ABCA1: variants seen among roughly 807,000 people sequenced by gnomAD.
The protein encoded by ABCA1 is ATP binding cassette subfamily A member 1, also known as phospholipid-transporting ATPase ABCA1.
Under a neutral mutation model 262.5 loss-of-function variants are expected in ABCA1, and 133 were observed. The observed-to-expected ratio is 0.51, with a 90% CI of 0.44 to 0.59. The LOEUF (loss-of-function observed/expected upper bound fraction) is 0.59. ABCA1 is among the 20% of genes least tolerant of loss of function. The pLI, the probability that ABCA1 is intolerant of heterozygous loss-of-function variation, is 0.00. For missense variants in ABCA1, 2,452 were observed against 2,777.5 expected (o/e 0.88, Z 2.63); for synonymous variants, 1,022 against 1,043.5 (o/e 0.98, Z 0.40).
intron 1 of ABCA1, among the ~76,000 whole-genome samples, chr9:104,924,053 A>G (rs898944827): frequency 1.3e-5 from 2 of 152,136 alleles, no homozygotes; most frequent in African/African-American, 4.8e-5. Context: ...AAATAAATAC[A>G]ATGAATAAAC....
At chr9:104,809,588 A>G in intron 29 of ABCA1, 24 bp from the exon 30 acceptor site, 7 of 1,591,412 alleles carry the variant, frequency 4.4e-6, no homozygotes, top group Non-Finnish European at 6.0e-6. Flanking sequence ...AGAGGCAGCC[A>G]GCTTAGTAAT....
chr9:104,815,005 TAA>T (rs1046858315), intron 25 of ABCA1, among the ~76,000 whole-genome samples: 2 of 151,168 alleles, frequency 1.3e-5, no homozygotes, highest in Non-Finnish European at 3.0e-5. Context: ...TCATCAAAAA[TAA>T]AAAAAAATTT....
At chr9:104,859,000 A>G (rs924648588) in intron 6 of ABCA1, among the ~76,000 whole-genome samples, 2 of 152,226 alleles carry the variant, frequency 1.3e-5, no homozygotes, top group African/African-American at 2.4e-5. Flanking sequence ...AGTGGGACAC[A>G]TGATTTGGCA....
intron 23 of ABCA1, among the ~76,000 whole-genome samples, chr9:104,818,330 A>G (rs1831961331): frequency 6.6e-6 from 1 of 152,212 alleles, no homozygotes; most frequent in Admixed American, 6.5e-5. Flanking sequence ...TTGAAAAGTA[A>G]TGAGCAGGAA....
At chr9:104,910,766 G>A (rs1841448429) in intron 1 of ABCA1, among the ~76,000 whole-genome samples, 1 of 152,120 alleles carries the variant, frequency 6.6e-6, no homozygotes, top group African/African-American at 2.4e-5. Context: ...GTGCAGTGGT[G>A]TGATCTCAGC....
intron 5 of ABCA1, among the ~76,000 whole-genome samples, chr9:104,874,338 T>G (rs1837905496): frequency 6.6e-6 from 1 of 151,976 alleles, no homozygotes; most frequent in South Asian, 2.1e-4. Context: ...ATGGCAAACA[T>G]GGTCAGGAGT....
intron 5 of ABCA1, among the ~76,000 whole-genome samples, chr9:104,874,888 G>A (rs142663568): frequency 0.058 from 8,088 of 138,616 alleles, 288 homozygotes; most frequent in African/African-American, 0.12. Context: ...GCCCCCGCCC[G>A]GCCAGCCGCC....
chr9:104,883,798 C>A (rs530612834), intron 4 of ABCA1, among the ~76,000 whole-genome samples: 5 of 152,212 alleles, frequency 3.3e-5, no homozygotes, highest in African/African-American at 1.2e-4. Flanking sequence ...TCCTAACTCA[C>A]ATCACGGTCC....
At chr9:104,924,919 G>A (rs1057023463) in intron 1 of ABCA1, among the ~76,000 whole-genome samples, 57 of 152,264 alleles carry the variant, frequency 3.7e-4, no homozygotes, top group East Asian at 2.9e-3. Flanking sequence ...ATAATAAAAA[G>A]CTAAGTCACT....
chr9:104,861,633 G>A (rs369127011), intron 6 of ABCA1, 46 bp downstream of exon 6: 45 of 1,612,904 alleles, frequency 2.8e-5, no homozygotes, highest in Non-Finnish European at 3.4e-5. Flanking sequence ...GCTGCACAAC[G>A]TAATTGCCAT....
At chr9:104,872,480 C>A (rs1407487132) in intron 5 of ABCA1, among the ~76,000 whole-genome samples, 2 of 152,184 alleles carry the variant, frequency 1.3e-5, no homozygotes, top group Non-Finnish European at 2.9e-5. Context: ...ATTCAACGTA[C>A]AACTTTACTC....
intron 2 of ABCA1, among the ~76,000 whole-genome samples, chr9:104,894,442 T>C (rs1840029194): frequency 6.6e-6 from 1 of 152,086 alleles, no homozygotes. Context: ...TTAAAAAAAA[T>C]TGATGATGAT....
At chr9:104,811,736 A>G (rs1831299464) in intron 28 of ABCA1, among the ~76,000 whole-genome samples, 1 of 152,248 alleles carries the variant, frequency 6.6e-6, no homozygotes, top group Admixed American at 6.5e-5. Context: ...AACAACTACT[A>G]TAATGAGAAC....
At chr9:104,822,001 T>C (rs1832399064) in intron 19 of ABCA1, among the ~76,000 whole-genome samples, 1 of 152,146 alleles carries the variant, frequency 6.6e-6, no homozygotes, top group Non-Finnish European at 1.5e-5. Flanking sequence ...ATGGTTAGAA[T>C]GGTTGAGGAA....
chr9:104,826,530 G>A lies in ABCA1; in HGVS notation c.2337+418C>T, dbSNP rs1832826544. 2.0e-5 allele frequency among the ~76,000 whole-genome samples: 3 copies of A among 152,232 alleles called. No homozygotes were observed. In the South Asian group the frequency reaches 6.2e-4, roughly 32 times the overall value. ...AGCAAAACACCATACTGGACACAAGGAAGACAAGAGAGGTCATCTCTGACA... is the reference window on the plus strand; with the variant it reads ...AGCAAAACACCATACTGGACACAAGAAAGACAAGAGAGGTCATCTCTGACA... On this transcript the variant is annotated intron_variant, in intron 16 of 49. Transcript: ENST00000374736.
At chr9:104,807,830 TA>T (rs1253549199) in intron 30 of ABCA1, among the ~76,000 whole-genome samples, 1 of 106,972 alleles carries the variant, frequency 9.3e-6, no homozygotes, top group Non-Finnish European at 1.9e-5. Flanking sequence ...AATAAATAAA[TA>T]AAATATATAT....
intron 27 of ABCA1, 60 bp from the exon 28 acceptor site, chr9:104,812,782 C>T: frequency 6.2e-7 from 1 of 1,604,744 alleles, no homozygotes; most frequent in Non-Finnish European, 8.5e-7. Context: ...CATTGCCATG[C>T]TCCTTCTTCT....
intron 25 of ABCA1, 44 bp downstream of exon 25, chr9:104,816,099 A>G (rs1447439120): frequency 6.2e-7 from 1 of 1,606,928 alleles, no homozygotes; most frequent in South Asian, 1.1e-5. Flanking sequence ...GCCTTAGGAC[A>G]TTTGGCCTTG....
At chr9:104,808,466 T>G (rs1358146813) in intron 30 of ABCA1, among the ~76,000 whole-genome samples, 1 of 152,256 alleles carries the variant, frequency 6.6e-6, no homozygotes, top group African/African-American at 2.4e-5. Context: ...AGGCCGTGTC[T>G]GTGTCCTTCT....
Sources: allele counts gnomAD v4.1 joint callset (sites outside exome capture counted in the v4.1 genomes callset), GRCh38; gene constraint gnomAD v4.1.1; transcripts MANE v1.5; gene names NCBI Gene and HGNC (gene_info 2026-07-23, HGNC 2026-07-21).